CHODL: variants seen among roughly 807,000 people sequenced by gnomAD.
The protein encoded by CHODL is transmembrane protein MT75.
Under a neutral mutation model 34.5 loss-of-function variants are expected in CHODL, and 29 were observed. The observed-to-expected ratio is 0.84, with a 90% confidence interval of 0.63 to 1.15. The LOEUF (loss-of-function observed/expected upper bound fraction) is 1.15, where lower values mean the gene tolerates loss of function less well. Ranked by LOEUF, CHODL falls within the 50% of genes most tolerant of loss-of-function variation. CHODL has a pLI of 0.00. For synonymous variants in CHODL, 125 were observed against 116.1 expected, an observed-to-expected ratio of 1.08 and a Z score of -0.49; for missense variants, 332 against 332.5, an observed-to-expected ratio of 1.00 and a Z score of 0.01.
intron 2 of CHODL, among the ~76,000 whole-genome samples, chr21:18,132,633 A>T (rs1055559064): frequency 1.8e-4 from 28 of 152,186 alleles, no homozygotes; most frequent in Middle Eastern, 3.2e-3. Context: ...TTGCTGTTAC[A>T]TTCTCAGCAT....
intron 1 of CHODL, among the ~76,000 whole-genome samples, chr21:18,250,611 T>C (rs1018916333): frequency 6.6e-6 from 1 of 152,032 alleles, no homozygotes; most frequent in African/African-American, 2.4e-5. Flanking sequence ...TGGTGTAACA[T>C]TGAATGCTGA....
chr21:18,010,133 A>C (rs1442146790), intron 1 of CHODL, among the ~76,000 whole-genome samples: 3 of 143,694 alleles, frequency 2.1e-5, no homozygotes, highest in South Asian at 2.2e-4. Context: ...AAAAAAAAAA[A>C]AAAAAAAAAA....
chr21:18,020,076 G>A (rs1310272122), intron 1 of CHODL, among the ~76,000 whole-genome samples: 8 of 152,128 alleles, frequency 5.3e-5, no homozygotes, highest in Non-Finnish European at 7.4e-5. Context: ...AGGGAAGGAT[G>A]ATAGTGAATA....
intron 1 of CHODL, among the ~76,000 whole-genome samples, chr21:18,000,787 C>T (rs1194433334): frequency 2.0e-5 from 3 of 152,138 alleles, no homozygotes; most frequent in Non-Finnish European, 4.4e-5. Flanking sequence ...GCTGACAGCA[C>T]TGTGATAAAT....
intron 2 of CHODL, among the ~76,000 whole-genome samples, chr21:18,043,581 G>A (rs1339976450): frequency 1.3e-5 from 2 of 151,866 alleles, no homozygotes; most frequent in Non-Finnish European, 2.9e-5. Context: ...ATTCTCACTA[G>A]AACGTGCTTA....
At chr21:17,944,650 G>C (rs2063391230) in intron 1 of CHODL, among the ~76,000 whole-genome samples, 1 of 152,174 alleles carries the variant, frequency 6.6e-6, no homozygotes, top group Non-Finnish European at 1.5e-5. Context: ...CTTGTGGCCA[G>C]CCTGACCAGA....
At chr21:18,031,152 G>A (rs1222933278) in intron 2 of CHODL, among the ~76,000 whole-genome samples, 3 of 152,046 alleles carry the variant, frequency 2.0e-5, no homozygotes, top group Admixed American at 6.6e-5. Flanking sequence ...AGGAAGATGT[G>A]AAGCCCCTGG....
chr21:17,992,448 G>A (rs1256340306), intron 1 of CHODL, among the ~76,000 whole-genome samples: 2 of 152,044 alleles, frequency 1.3e-5, no homozygotes, highest in Non-Finnish European at 2.9e-5. Context: ...TGAGCATGGG[G>A]TGTCTTTCCA....
intron 2 of CHODL, among the ~76,000 whole-genome samples, chr21:18,061,718 A>AATG (rs1364321894): frequency 6.6e-6 from 1 of 152,200 alleles, no homozygotes; most frequent in Non-Finnish European, 1.5e-5. Context: ...TGGTGGTGGC[A>AATG]ATGATGATGA....
At chr21:18,200,897 C>T (rs2073643435) in intron 2 of CHODL, among the ~76,000 whole-genome samples, 1 of 152,174 alleles carries the variant, frequency 6.6e-6, no homozygotes, top group Non-Finnish European at 1.5e-5. Context: ...AGTTAGGGAA[C>T]TGGAAGGATT....
At chr21:18,195,476 G>C (rs550521958) in intron 2 of CHODL, among the ~76,000 whole-genome samples, 1 of 151,934 alleles carries the variant, frequency 6.6e-6, no homozygotes, top group Non-Finnish European at 1.5e-5. Context: ...ACCATCACCC[G>C]CAGTCCTCAG....
intron 2 of CHODL, among the ~76,000 whole-genome samples, chr21:18,121,150 A>G (rs755604014): frequency 6.6e-6 from 1 of 151,958 alleles, no homozygotes; most frequent in Non-Finnish European, 1.5e-5. Flanking sequence ...TTGTGATTTC[A>G]TCTATTTCTG....
At chr21:18,087,354 A>G (rs1018727145) in intron 2 of CHODL, among the ~76,000 whole-genome samples, 1 of 152,146 alleles carries the variant, frequency 6.6e-6, no homozygotes, top group African/African-American at 2.4e-5. Context: ...CTGCTGCTGC[A>G]TCACCCTGAA....
In CHODL at chr21:18,077,371, C is replaced by G. The variant is rs191451456; in HGVS notation, c.-45+49400C>G. On this transcript the variant is annotated intron_variant, in intron 2 of 6. Coordinates refer to the CHODL transcript ENST00000400127. ...AGTAATATTTATATGAGACTTTGGA[C>G]TTTAGACTTTTGAGTTAATGCTGGA... Among the ~76,000 whole-genome samples the G allele has an allele frequency of 1.2e-4, 18 of 152,258 alleles. No homozygotes were observed. In the East Asian group the frequency reaches 3.5e-3, roughly 29 times the overall value.
intron 2 of CHODL, among the ~76,000 whole-genome samples, chr21:18,039,415 T>C (rs2064349111): frequency 6.6e-6 from 1 of 151,724 alleles, no homozygotes; most frequent in South Asian, 2.1e-4. Context: ...CTAAATCTTG[T>C]ATGAAATCTT....
intron 2 of CHODL, among the ~76,000 whole-genome samples, chr21:18,181,002 T>C (rs2073375229): frequency 6.6e-6 from 1 of 152,200 alleles, no homozygotes; most frequent in East Asian, 1.9e-4. Flanking sequence ...TTATAATCAA[T>C]AGCAACAGAT....
chr21:18,073,170 A>C (rs1289982026), intron 2 of CHODL, among the ~76,000 whole-genome samples: 1 of 152,278 alleles, frequency 6.6e-6, no homozygotes, highest in African/African-American at 2.4e-5. Flanking sequence ...ATACTCCTAC[A>C]TAGGAAAACT....
At chr21:18,017,667 A>G (rs922353581) in intron 1 of CHODL, among the ~76,000 whole-genome samples, 2 of 152,208 alleles carry the variant, frequency 1.3e-5, no homozygotes, top group Non-Finnish European at 2.9e-5. Flanking sequence ...GCCCTCACAG[A>G]GAATCTTTAC....
At chr21:17,945,758 C>G (rs1005323834) in intron 1 of CHODL, among the ~76,000 whole-genome samples, 3 of 152,098 alleles carry the variant, frequency 2.0e-5, no homozygotes, top group African/African-American at 7.2e-5. Flanking sequence ...CATGGAAGTC[C>G]TTGTCAAAAT....
Sources: allele counts gnomAD v4.1 joint callset (sites outside exome capture counted in the v4.1 genomes callset), GRCh38; gene constraint gnomAD v4.1.1; transcripts MANE v1.5; gene names NCBI Gene and HGNC (gene_info 2026-07-23, HGNC 2026-07-21).